DPYSL2: variants seen among roughly 807,000 people sequenced by gnomAD.
The protein encoded by DPYSL2 is dihydropyrimidinase like 2.
A neutral mutation model predicts 69.9 loss-of-function variants in DPYSL2; 13 were observed. The ratio of observed to expected loss-of-function variants is 0.19; its 90% CI spans 0.12 to 0.30. The LOEUF (loss-of-function observed/expected upper bound fraction) is 0.30, where lower values mean the gene tolerates loss of function less well. Among genes scored for constraint, DPYSL2 ranks in the 10% least tolerant of loss-of-function variants. DPYSL2 has a pLI of 1.00. For synonymous variants in DPYSL2, 326 were observed against 359.1 expected, an observed-to-expected ratio of 0.91 and a Z score of 1.04; for missense variants, 587 against 918.9, an observed-to-expected ratio of 0.64 and a Z score of 4.67.
At position 26,556,288 on chromosome 8, in the gene DPYSL2, A is replaced by ATATATAGTATG. The variant is rs1800974436; in HGVS notation, c.355-25671_355-25670insGTATATAGTAT. Among the ~76,000 whole-genome samples, 3 of 39,532 alleles carry ATATATAGTATG rather than the reference A, an allele frequency of 7.6e-5. 1 individual carries two copies. The highest frequency in any genetic ancestry group is 2.6e-4 in the African/African-American group (3 of 11,380). 25.9% of individuals were successfully genotyped at this position (39,532 alleles called of 152,430 possible). On this transcript the variant is annotated intron_variant, in intron 1 of 13. Coordinates refer to ENST00000521913, the MANE Select transcript of DPYSL2 (RefSeq NM_001197293.3). ...ATAGTATATATAGTATTTATATAATATATATAGTATATATATAGTATATAT... is the reference window on the plus strand; with the variant it reads ...ATAGTATATATAGTATTTATATAATATATATAGTATGTATATAGTATATATATAGTATATAT...
chr8:26,632,219 G>C (rs954275667), intron 7 of DPYSL2, among the ~76,000 whole-genome samples: 1 of 152,222 alleles, frequency 6.6e-6, no homozygotes, highest in African/African-American at 2.4e-5. Flanking sequence ...TGGCTGAGAG[G>C]AGTGGCGACT....
intron 8 of DPYSL2, among the ~76,000 whole-genome samples, chr8:26,639,612 A>G (rs1047006450): frequency 1.3e-5 from 2 of 152,184 alleles, no homozygotes; most frequent in Non-Finnish European, 2.9e-5. Context: ...GAATCCCTGA[A>G]TTCATTCTTC....
chr8:26,634,931 A>G (rs1364202280), intron 8 of DPYSL2, 31 bp downstream of exon 8: 1 of 1,610,836 alleles, frequency 6.2e-7, no homozygotes, highest in Admixed American at 1.7e-5. Flanking sequence ...GGCTGATGGC[A>G]GGTGGGGAGG....
chr8:26,638,568 C>T (rs1447139097), intron 8 of DPYSL2, among the ~76,000 whole-genome samples: 1 of 152,196 alleles, frequency 6.6e-6, no homozygotes, highest in Non-Finnish European at 1.5e-5. Context: ...AGACACGCTG[C>T]TTCCATCAGC....
At chr8:26,515,197 G>T (rs986408465) in intron 1 of DPYSL2, among the ~76,000 whole-genome samples, 1 of 152,196 alleles carries the variant, frequency 6.6e-6, no homozygotes, top group Non-Finnish European at 1.5e-5. Flanking sequence ...GAGCTCCGAG[G>T]CCAGGACCAT....
rs114826890 is a variant in DPYSL2 at position 26,589,411 on chromosome 8, C to T, written c.628+5428C>T. Among the ~76,000 whole-genome samples the T allele has an allele frequency of 5.2e-3, 788 of 152,348 alleles. 4 individuals carry two copies. The highest frequency in any genetic ancestry group is 0.018 in the African/African-American group (759 of 41,572). ...TTCCTGCCGCCTGGGCAGCCTCACT[C>T]CTCAGAGGCACTCTGTTAATGCCCA... On this transcript the variant is annotated intron_variant, in intron 3 of 13. Coordinates refer to ENST00000521913, the MANE Select transcript of DPYSL2 (RefSeq NM_001197293.3).
Position 26,565,509 on chromosome 8 carries a change from A to T in DPYSL2, c.355-16460A>T, listed in dbSNP as rs1286859533. On this transcript the variant is annotated intron_variant, in intron 1 of 13. Transcript: ENST00000521913. The surrounding 1 kb of genome is among the most constrained non-coding windows in gnomAD (Gnocchi z 4.1). ...ATGTGGTTAGGGGATGAGGGCTCAG[A>T]TAGCCCTTGGAGTGAATGGCTAAAG... Among the ~76,000 whole-genome samples, 1 of 152,192 alleles carries T rather than the reference A, an allele frequency of 6.6e-6. No homozygotes were observed. The highest frequency in any genetic ancestry group is 2.4e-5 in the African/African-American group (1 of 41,448).
At chr8:26,577,071 T>A (rs1801362904) in intron 1 of DPYSL2, 1 of 429,632 alleles carries the variant, frequency 2.3e-6, no homozygotes, top group Non-Finnish European at 4.7e-6. Flanking sequence ...CACAAAAGGA[T>A]GTTTCAGGGC....
rs1324598959 is a variant in DPYSL2, at chr8:26,620,751, T to C, written c.629-3392T>C. ...TGGGTCTTAGTGTCACCAGTACTTA[T>C]CCTTCTTCTTAGGAGGGATTTGTTT... On this transcript the variant is annotated intron_variant, in intron 3 of 13. Transcript: ENST00000521913. The surrounding 1 kb of genome is among the most constrained non-coding windows in gnomAD (Gnocchi z 4.5). 1.3e-5 allele frequency among the ~76,000 whole-genome samples: 2 copies of C among 152,350 alleles called. No individual in the cohort carries two copies. The highest frequency in any genetic ancestry group is 2.4e-5 in the African/African-American group (1 of 41,580).
At position 26,647,855 on chromosome 8, in the gene DPYSL2, A is replaced by C. The variant is rs1236796735; in HGVS notation, c.1596+55A>C. 1 of 1,544,186 alleles carries C rather than the reference A, an allele frequency of 6.5e-7. No individual in the cohort carries two copies. Among genetic ancestry groups the C allele is most frequent in the Non-Finnish European group, 8.7e-7 (1 of 1,143,948 alleles). On this transcript the variant is annotated intron_variant, in intron 11 of 13. Transcript: ENST00000521913. The surrounding 1 kb of genome is among the most constrained non-coding windows in gnomAD (Gnocchi z 5.1). ...CCAAACGAATTACAGTCACAGAGAC[A>C]CAGACGGAGGGAGAGCCCCAGGGTT...
chr8:26,610,629 A>T lies in DPYSL2; in HGVS notation c.629-13514A>T, dbSNP rs1802203513. ...AGTCCCTTCCCACGCCCTGTTCCTC[A>T]TTGGAATCCTCTGTCCTAGCCTATC... On this transcript the variant is annotated intron_variant, in intron 3 of 13. Transcript: ENST00000521913. This position sits in a 1 kb window ranked among gnomAD's most constrained non-coding sequence, Gnocchi z 4.5. Among the ~76,000 whole-genome samples the T allele has an allele frequency of 6.6e-6, 1 of 151,762 alleles. No homozygotes were observed. The highest frequency in any genetic ancestry group is 1.5e-5 in the Non-Finnish European group (1 of 67,934).
In DPYSL2 at chr8:26,571,289, G is replaced by T. The variant is rs1011909176; in HGVS notation, c.355-10680G>T. On this transcript the variant is annotated intron_variant, in intron 1 of 13. Transcript: ENST00000521913. This position sits in a 1 kb window ranked among gnomAD's most constrained non-coding sequence, Gnocchi z 6.1. The stretch of plus-strand genomic sequence containing the variant: ...TATTCTGTTCAGGATGTCTGAGCTG[G>T]GGCCCAGGGTGATTCTGATGGAGGG... Among the ~76,000 whole-genome samples, 1 of 152,218 alleles carries T rather than the reference G, an allele frequency of 6.6e-6. No homozygotes were observed. Among genetic ancestry groups the T allele is most frequent in the East Asian group, 1.9e-4 (1 of 5,174 alleles).
rs781672168 is a variant in DPYSL2, at chr8:26,571,078, C to T, written c.355-10891C>T. Among the ~76,000 whole-genome samples, 34 of 152,248 alleles carry T rather than the reference C, an allele frequency of 2.2e-4. No homozygotes were observed. Among genetic ancestry groups the T allele is most frequent in the Middle Eastern group, 3.4e-3 (1 of 294 alleles). Reference sequence around the variant, plus strand: ...TATTTACCACTCTTTCATAATGTTCCCCCTGGACAAAGAGCAGACCAGTGA... The same window carrying T: ...TATTTACCACTCTTTCATAATGTTCTCCCTGGACAAAGAGCAGACCAGTGA... On this transcript the variant is annotated intron_variant, in intron 1 of 13. Coordinates refer to ENST00000521913, the MANE Select transcript of DPYSL2 (RefSeq NM_001197293.3). This position sits in a 1 kb window ranked among gnomAD's most constrained non-coding sequence, Gnocchi z 6.1.
intron 3 of DPYSL2, among the ~76,000 whole-genome samples, chr8:26,590,153 C>T (rs1293079678): frequency 1.3e-5 from 2 of 152,196 alleles, no homozygotes; most frequent in East Asian, 1.9e-4. Context: ...TCATTTGACT[C>T]GGGTTAGAAA....
chr8:26,625,210 G>T (rs1802587637), intron 4 of DPYSL2, among the ~76,000 whole-genome samples: 2 of 152,176 alleles, frequency 1.3e-5, no homozygotes, highest in Non-Finnish European at 2.9e-5. Context: ...GAAATTTTAT[G>T]GGTCTCAGTT....
chr8:26,577,523 A>C (rs1801379640), intron 1 of DPYSL2, among the ~76,000 whole-genome samples: 1 of 148,394 alleles, frequency 6.7e-6, no homozygotes, highest in Admixed American at 6.7e-5. Context: ...GCCTCCGCGG[A>C]TTGGCGCGCA....
At chr8:26,601,514 A>G (rs2129815691) in intron 3 of DPYSL2, among the ~76,000 whole-genome samples, 1 of 152,202 alleles carries the variant, frequency 6.6e-6, no homozygotes, top group East Asian at 1.9e-4. Context: ...AGTAGCTGGG[A>G]CTACAGGTGC....
At chr8:26,649,839 G>A (rs373247814) in intron 11 of DPYSL2, among the ~76,000 whole-genome samples, 22 of 152,292 alleles carry the variant, frequency 1.4e-4, no homozygotes, top group African/African-American at 5.3e-4. Flanking sequence ...CCTGCATCAT[G>A]GTTTGATGGA....
At chr8:26,551,988 AT>A (rs1013134682) in intron 1 of DPYSL2, among the ~76,000 whole-genome samples, 4 of 151,924 alleles carry the variant, frequency 2.6e-5, no homozygotes, top group Non-Finnish European at 4.4e-5. Context: ...TAATTTTTAA[AT>A]TTTTTATAGA....
Sources: allele counts gnomAD v4.1 joint callset (sites outside exome capture counted in the v4.1 genomes callset), GRCh38; gene constraint gnomAD v4.1.1; non-coding constraint Gnocchi (gnomAD v3.1); transcripts MANE v1.5; gene names NCBI Gene and HGNC (gene_info 2026-07-23, HGNC 2026-07-21).